The following LEPR variants were observed in gnomAD, a reference collection of about 807,000 sequenced individuals.
LEPR encodes leptin receptor.
Under a neutral mutation model 114.7 loss-of-function variants are expected in LEPR, and 56 were observed. The ratio of observed to expected loss-of-function variants is 0.49; its 90% CI spans 0.39 to 0.61. The LOEUF is 0.61. LEPR is among the 20% of genes least tolerant of loss of function. The probability of loss-of-function intolerance (pLI) is 0.00; values close to 1 mark genes in which losing one functional copy is unlikely to be tolerated. For missense variants in LEPR, 1,202 were observed against 1,352.9 expected (o/e 0.89, Z 1.75); for synonymous variants, 443 against 461.4 (o/e 0.96, Z 0.51).
chr1:65,636,261 C>T lies in LEPR; in HGVS notation c.2744C>T (p.Pro915Leu), dbSNP rs767349636. The T allele has an allele frequency of 2.5e-6, 4 of 1,613,864 alleles. No individual in the cohort carries two copies. The highest frequency in any genetic ancestry group is 3.4e-6 in the Non-Finnish European group (4 of 1,179,896). ...SVTCGPLLLE[P>L]ETISEDISVD... ...ACATGTGGTCCTCTTCTTTTGGAGC[C>T]TGAAACAATTTCAGAAGATATCAGT... is the stretch of plus-strand genomic sequence containing the variant. The change falls in exon 20 of 20, where the codon CCT becomes CTT. Residue 915 changes from proline to leucine, a missense_variant. Coordinates refer to ENST00000349533, the MANE Select transcript of LEPR (RefSeq NM_002303.6).
rs748919164 is a variant in LEPR at position 65,636,830 on chromosome 1, C to T, written c.3313C>T (p.Pro1105Ser). 2 of 1,613,388 alleles carry T rather than the reference C, an allele frequency of 1.2e-6. No homozygotes were observed. Among genetic ancestry groups the T allele is most frequent in the African/African-American group, 1.3e-5 (1 of 75,004 alleles). Residue 1105 changes from proline (P) to serine (S), a missense_variant, in exon 20 of 20, where the codon CCA becomes TCA. Physicochemically the swap from Pro to Ser is moderately conservative, Grantham distance 74. Coordinates refer to ENST00000349533, the MANE Select transcript of LEPR (RefSeq NM_002303.6). ...CAAGTCAAGGGTATCGTGCCCATTC[C>T]CAGCCCCCTGTTTATTCACGGACAT... ...TDKSRVSCPF[P>S]APCLFTDIRV...
At chr1:65,609,820 A>G in intron 12 of LEPR, 127 bp from the exon 13 acceptor site, 1 of 1,331,970 alleles carries the variant, frequency 7.5e-7, no homozygotes, top group Non-Finnish European at 1.1e-6. Flanking sequence ...TTCTGAAGGC[A>G]GAGAACACAG....
intron 1 of LEPR, among the ~76,000 whole-genome samples, chr1:65,422,244 T>C (rs1469606147): frequency 6.6e-6 from 1 of 152,142 alleles, no homozygotes; most frequent in South Asian, 2.1e-4. Flanking sequence ...GAGGGGAATT[T>C]AGACATAGAG....
chr1:65,599,661 TG>T (rs1157055498), intron 8 of LEPR, among the ~76,000 whole-genome samples: 5 of 152,162 alleles, frequency 3.3e-5, no homozygotes, highest in African/African-American at 1.2e-4. Flanking sequence ...AACCTTTCTA[TG>T]CCTTAATTTC....
chr1:65,564,831 C>G (rs1653610140), intron 2 of LEPR, among the ~76,000 whole-genome samples: 1 of 152,070 alleles, frequency 6.6e-6, no homozygotes, highest in African/African-American at 2.4e-5. Flanking sequence ...AAAGTCCAAG[C>G]CACATATATT....
chr1:65,602,046 A>G (rs1656476018), intron 10 of LEPR, 86 bp downstream of exon 10: 1 of 1,140,994 alleles, frequency 8.8e-7, no homozygotes, highest in Non-Finnish European at 1.3e-6. Flanking sequence ...GTAGTCTTAC[A>G]GATTATTTGC....
At chr1:65,610,359 G>C in intron 14 of LEPR, 63 bp downstream of exon 14, 2 of 1,315,206 alleles carry the variant, frequency 1.5e-6, no homozygotes, top group East Asian at 2.5e-5. Context: ...TTTACTTCAT[G>C]GTCCATAATC....
intron 2 of LEPR, among the ~76,000 whole-genome samples, chr1:65,470,235 A>ATG (rs1647066495): frequency 6.6e-6 from 1 of 152,234 alleles, no homozygotes; most frequent in South Asian, 2.1e-4. Flanking sequence ...AGGGGCTGAA[A>ATG]TAACTACTCC....
At position 65,633,770 on chromosome 1, in the gene LEPR, A is replaced by G; in HGVS notation, c.2674-2421A>G. 1 of 985,404 alleles carries G rather than the reference A, an allele frequency of 1.0e-6. No homozygotes were observed. The highest frequency in any genetic ancestry group is 1.2e-6 in the Non-Finnish European group (1 of 829,950). 61.0% of individuals were successfully genotyped at this position (985,404 alleles called of 1,614,324 possible). A position where few individuals can be genotyped will look rare whatever the true frequency, so the allele number is the denominator to read the frequency against. ...TAACTTTGTTCAATCTGGGAATTTC[A>G]GTTTTCAATATCCTTGAAAATGGCT... is the stretch of plus-strand genomic sequence containing the variant. On this transcript the variant is annotated intron_variant, in intron 19 of 19. Transcript: ENST00000349533. This position sits in a 1 kb window ranked among gnomAD's most constrained non-coding sequence, Gnocchi z 4.1.
chr1:65,624,909 G>A (rs999208945), intron 19 of LEPR, among the ~76,000 whole-genome samples: 12 of 152,098 alleles, frequency 7.9e-5, no homozygotes, highest in African/African-American at 2.4e-4. Flanking sequence ...TTTTATATAC[G>A]AACAATTCTT....
At chr1:65,583,882 A>G (rs1655153749) in intron 5 of LEPR, among the ~76,000 whole-genome samples, 1 of 152,192 alleles carries the variant, frequency 6.6e-6, no homozygotes, top group Non-Finnish European at 1.5e-5. Context: ...AAATATGAAT[A>G]TAATGAGACA....
rs772594643 is a variant in LEPR, at chr1:65,513,664, A to G, written c.-20-51882A>G. Among the ~76,000 whole-genome samples, 103 of 152,302 alleles carry G rather than the reference A, an allele frequency of 6.8e-4. 1 individual carries two copies. Among genetic ancestry groups the G allele is most frequent in the Non-Finnish European group, 1.2e-3 (80 of 68,026 alleles). ...ATTGGTTTGTAGTATGTGTGTACCA[A>G]TTATCAGGATTGTCAGAAATGTTGG... is the stretch of plus-strand genomic sequence containing the variant. On this transcript the variant is annotated intron_variant, in intron 2 of 19. Transcript: ENST00000349533.
At chr1:65,427,011 AGAT>A (rs1486330299) in intron 2 of LEPR, among the ~76,000 whole-genome samples, 2 of 148,176 alleles carry the variant, frequency 1.3e-5, no homozygotes, top group Admixed American at 6.7e-5. Context: ...AAAAAAAAAA[AGAT>A]GATGATGATG....
At chr1:65,424,461 C>T (rs1300959478) in intron 1 of LEPR, among the ~76,000 whole-genome samples, 1 of 152,182 alleles carries the variant, frequency 6.6e-6, no homozygotes, top group Admixed American at 6.5e-5. Flanking sequence ...GACCAACTGG[C>T]TGCCCTCTGG....
chr1:65,629,344 T>G, intron 19 of LEPR: 1 of 450,542 alleles, frequency 2.2e-6, no homozygotes, highest in Admixed American at 2.4e-5. Context: ...AGGGTTGATA[T>G]GATGTTCTGT....
rs763166046 is a variant in LEPR, at chr1:65,488,228, C to CT, written c.-21+62853dup. On this transcript the variant is annotated intron_variant, in intron 2 of 19. Coordinates refer to ENST00000349533, the MANE Select transcript of LEPR (RefSeq NM_002303.6). ...TCTTTCTTTCTCTCTCTCTCTCTCT[C>CT]TTTCTTTCTTTCTTTCTTTCTTTCT... 2.9e-4 allele frequency among the ~76,000 whole-genome samples: 17 copies of CT among 57,858 alleles called. 1 individual carries two copies. Among genetic ancestry groups the CT allele is most frequent in the African/African-American group, 1.2e-3 (16 of 13,128 alleles). The allele number at this position is 57,858 out of a possible 152,430, so 38.0% of individuals were successfully genotyped here.
In LEPR at chr1:65,633,171, G is replaced by A. The variant is rs1392419767; in HGVS notation, c.2674-3020G>A. ...AAACAGAGAACGGACATTCTTTGAA[G>A]TCTAATCATGATCACTACAGATGAA... On this transcript the variant is annotated intron_variant, in intron 19 of 19. Transcript: ENST00000349533. The surrounding 1 kb of genome is among the most constrained non-coding windows in gnomAD (Gnocchi z 4.1). 1 of 1,604,872 alleles carries A rather than the reference G, an allele frequency of 6.2e-7. No homozygotes were observed. Among genetic ancestry groups the A allele is most frequent in the South Asian group, 1.1e-5 (1 of 90,862 alleles).
intron 19 of LEPR, among the ~76,000 whole-genome samples, chr1:65,630,982 C>G (rs555721386): frequency 6.6e-6 from 1 of 151,978 alleles, no homozygotes; most frequent in Non-Finnish European, 1.5e-5. Context: ...CTTTTATTAT[C>G]TCAGACTTTC....
chr1:65,546,753 A>C (rs147680350), intron 2 of LEPR, among the ~76,000 whole-genome samples: 9,675 of 152,256 alleles, frequency 0.064, 499 homozygotes, highest in South Asian at 0.27. Flanking sequence ...GTCATCTGCA[A>C]ACAGGGACAA....
Sources: allele counts gnomAD v4.1 joint callset (sites outside exome capture counted in the v4.1 genomes callset), GRCh38; gene constraint gnomAD v4.1.1; non-coding constraint Gnocchi (gnomAD v3.1); transcripts MANE v1.5; gene names NCBI Gene and HGNC (gene_info 2026-07-23, HGNC 2026-07-21).